Variants in ITGB4 observed in about 807,000 individuals in gnomAD.
ITGB4 encodes the protein integrin subunit beta 4.
In ITGB4, 159 loss-of-function variants were observed where a neutral mutation model predicts 207.6. The ratio of observed to expected loss-of-function variants is 0.77; its 90% confidence interval spans 0.67 to 0.87. The LOEUF is 0.87. Among genes scored for constraint, ITGB4 ranks in the 40% least tolerant of loss-of-function variants. ITGB4 has a pLI of 0.00. For synonymous variants in ITGB4, 1,020 were observed against 1,062.7 expected, an observed-to-expected ratio of 0.96 and a Z score of 0.78; for missense variants, 2,278 against 2,546.8, an observed-to-expected ratio of 0.89 and a Z score of 2.27.
chr17:75,756,009 C>A (rs1462176229), intron 35 of ITGB4, among the ~76,000 whole-genome samples, 159 bp downstream of exon 35: 1 of 152,242 alleles, frequency 6.6e-6, no homozygotes, highest in Non-Finnish European at 1.5e-5. Context: ...CATTCTCCAC[C>A]CCACTTCTTT....
intron 38 of ITGB4, 25 bp from the exon 39 acceptor site, chr17:75,757,175 T>C (rs766519076): frequency 6.2e-7 from 1 of 1,611,996 alleles, no homozygotes; most frequent in Non-Finnish European, 8.5e-7. Flanking sequence ...CACCACCCTC[T>C]GACTGGCCTA....
Position 75,727,729 on chromosome 17 carries a change from G to A in ITGB4, c.343G>A (p.Glu115Lys). 1 of 1,613,876 alleles carries A rather than the reference G, an allele frequency of 6.2e-7. No homozygotes were observed. The highest frequency in any genetic ancestry group is 8.5e-7 in the Non-Finnish European group (1 of 1,180,002). Reference protein sequence around the residue: ...GLRVRLRPGEERHFELEVFEP... With the variant: ...GLRVRLRPGEKRHFELEVFEP... ...GCGGGTCCGTCTGCGGCCCGGTGAG[G>A]AGCGGCATTTTGAGCTGGAGGTGTT... is the stretch of plus-strand genomic sequence containing the variant. Residue 115 changes from glutamate (E) to lysine (K), a missense_variant, in exon 5 of 40, where the codon GAG becomes AAG. By Grantham distance (56) the Glu-to-Lys change is moderately conservative. Coordinates refer to ENST00000200181, the MANE Select transcript of ITGB4 (RefSeq NM_000213.5). This position sits in a 1 kb window ranked among gnomAD's most constrained non-coding sequence, Gnocchi z 6.0.
chr17:75,755,432 G>A (rs2061474648), intron 34 of ITGB4, among the ~76,000 whole-genome samples: 1 of 152,170 alleles, frequency 6.6e-6, no homozygotes, highest in Non-Finnish European at 1.5e-5. Flanking sequence ...GGCAGGAGAG[G>A]GGCCAGGCCA....
rs1599274689 is a variant in ITGB4 at position 75,742,967 on chromosome 17, T to C, written c.2962+206T>C. ...CCTCGCCACAGTGCCTGCCTGGTGGTGAGCGCTCAGTAAATGGAAGCTTCT... is the reference window on the plus strand; with the variant it reads ...CCTCGCCACAGTGCCTGCCTGGTGGCGAGCGCTCAGTAAATGGAAGCTTCT... On this transcript the variant is annotated intron_variant, in intron 25 of 39. Coordinates refer to ENST00000200181, the MANE Select transcript of ITGB4 (RefSeq NM_000213.5). The surrounding 1 kb of genome is among the most constrained non-coding windows in gnomAD (Gnocchi z 5.9). 6.6e-6 allele frequency among the ~76,000 whole-genome samples: 1 copy of C among 152,284 alleles called. No individual in the cohort carries two copies. Among genetic ancestry groups the C allele is most frequent in the South Asian group, 2.1e-4 (1 of 4,824 alleles).
At position 75,742,865 on chromosome 17, in the gene ITGB4, C is replaced by A; in HGVS notation, c.2962+104C>A. 1 of 1,050,552 alleles carries A rather than the reference C, an allele frequency of 9.5e-7. No homozygotes were observed. Among genetic ancestry groups the A allele is most frequent in the Non-Finnish European group, 1.4e-6 (1 of 724,790 alleles). The allele number at this position is 1,050,552 out of a possible 1,614,324, so 65.1% of individuals were successfully genotyped here. A position where few individuals can be genotyped will look rare whatever the true frequency, so the allele number is the denominator to read the frequency against. On this transcript the variant is annotated intron_variant, in intron 25 of 39. Transcript: ENST00000200181. The surrounding 1 kb of genome is among the most constrained non-coding windows in gnomAD (Gnocchi z 5.9). ...ACCTGGCCACGTGGCCTGGGCTAGT[C>A]ACTTAACCTCTGCAAGCCTTGGTTT...
At chr17:75,745,926 C>G (rs553632479) in intron 26 of ITGB4, among the ~76,000 whole-genome samples, 2 of 152,256 alleles carry the variant, frequency 1.3e-5, no homozygotes, top group East Asian at 3.9e-4. Context: ...GTCTCGCCTC[C>G]CTGGGCCCAC....
Position 75,757,617 on chromosome 17 carries a change from C to A in ITGB4, c.*62C>A. 6.2e-7 allele frequency: 1 copy of A among 1,603,724 alleles called. No homozygotes were observed. Among genetic ancestry groups the A allele is most frequent in the Admixed American group, 1.7e-5 (1 of 59,976 alleles). ...CGTCCTCCCGACTCCTCTCCCGGAG[C>A]CTCCTCAGCTACTCCATCCTTGCAC... On this transcript the variant is annotated 3_prime_UTR_variant, in exon 40 of 40. Transcript: ENST00000200181.
At chr17:75,738,409 C>T (rs1378765989) in intron 18 of ITGB4, among the ~76,000 whole-genome samples, 1 of 152,224 alleles carries the variant, frequency 6.6e-6, no homozygotes. Context: ...CCCCCATCAC[C>T]CCATGAGGTC....
rs1006303361 is a variant in ITGB4, at chr17:75,750,537, C to T, written c.3475-143C>T. 1.0e-5 allele frequency: 9 copies of T among 859,206 alleles called. No individual in the cohort carries two copies. Among genetic ancestry groups the T allele is most frequent in the Admixed American group, 2.0e-5 (1 of 49,338 alleles). 53.2% of individuals were successfully genotyped at this position (859,206 alleles called of 1,614,324 possible). On this transcript the variant is annotated intron_variant, in intron 28 of 39. Transcript: ENST00000200181. The surrounding 1 kb of genome is among the most constrained non-coding windows in gnomAD (Gnocchi z 5.5). ...CCCACCTGCTCTGCCCTAGTCCTGACGTGTGCACATGGCAGATCTCTCAGC... is the reference window on the plus strand; with the variant it reads ...CCCACCTGCTCTGCCCTAGTCCTGATGTGTGCACATGGCAGATCTCTCAGC...
Position 75,740,637 on chromosome 17 carries a change from C to T in ITGB4, c.2551-156C>T, listed in dbSNP as rs1445624706. The T allele has an allele frequency of 2.0e-6, 2 of 1,004,712 alleles. No individual in the cohort carries two copies. Among genetic ancestry groups the T allele is most frequent in the Non-Finnish European group, 3.1e-6 (2 of 649,056 alleles). The allele number at this position is 1,004,712 out of a possible 1,614,324, so 62.2% of individuals were successfully genotyped here. The stretch of plus-strand genomic sequence containing the variant: ...GATCTGTTTCCAGAGGGCAGAAGGC[C>T]AGAGCCTGGGCCCAGGATGCTGCCC... On this transcript the variant is annotated intron_variant, in intron 21 of 39. Transcript: ENST00000200181. This position sits in a 1 kb window ranked among gnomAD's most constrained non-coding sequence, Gnocchi z 5.9.
chr17:75,730,738 G>T, intron 8 of ITGB4, 137 bp from the exon 9 acceptor site: 2 of 1,007,772 alleles, frequency 2.0e-6, no homozygotes, highest in Non-Finnish European at 1.5e-6. Context: ...CAAGCAGGTG[G>T]GGGCTAAGAG....
intron 26 of ITGB4, among the ~76,000 whole-genome samples, chr17:75,746,609 T>C (rs1246446080): frequency 2.0e-5 from 3 of 151,450 alleles, no homozygotes; most frequent in Non-Finnish European, 2.9e-5. Flanking sequence ...CATGATCCTT[T>C]TGCCTTGCCT....
chr17:75,726,582 A>G (rs920979227), intron 2 of ITGB4, among the ~76,000 whole-genome samples: 1 of 151,862 alleles, frequency 6.6e-6, no homozygotes, highest in African/African-American at 2.4e-5. Flanking sequence ...AAATACAAAA[A>G]TTAGCCAGGC....
chr17:75,737,374 C>T lies in ITGB4; in HGVS notation c.2043C>T (p.Thr681=), dbSNP rs1286798451. The change falls in exon 17 of 40, where the codon ACC becomes ACT. Residue 681 remains threonine (T), a synonymous_variant. Coordinates refer to ENST00000200181, the MANE Select transcript of ITGB4 (RefSeq NM_000213.5). ...CSFRDEDDDC[T]YSYTMEGDGA... Reference sequence around the variant, plus strand: ...TCCGGGACGAGGATGACGACTGCACCTACAGCTACACCATGGAAGGTGACG... The same window carrying T: ...TCCGGGACGAGGATGACGACTGCACTTACAGCTACACCATGGAAGGTGACG... 3 of 1,582,954 alleles carry T rather than the reference C, an allele frequency of 1.9e-6. No homozygotes were observed. In the East Asian group the frequency reaches 7.0e-5, roughly 37 times the overall value.
In ITGB4 at chr17:75,748,777, T is replaced by A; in HGVS notation, c.3112-64T>A. 3.2e-6 allele frequency: 4 copies of A among 1,250,772 alleles called. No individual in the cohort carries two copies. In the South Asian group the frequency reaches 5.1e-5, roughly 16 times the overall value. 77.5% of individuals were successfully genotyped at this position (1,250,772 alleles called of 1,614,324 possible). On this transcript the variant is annotated intron_variant, in intron 26 of 39. Transcript: ENST00000200181. Reference sequence around the variant, plus strand: ...GTGTCCATGAGGTTGGGAGGGAGCGTGTGGCCATGACTCTTGCCTCAGCCC... The same window carrying A: ...GTGTCCATGAGGTTGGGAGGGAGCGAGTGGCCATGACTCTTGCCTCAGCCC...
intron 23 of ITGB4, 197 bp downstream of exon 23, chr17:75,741,202 G>T: frequency 1.4e-6 from 1 of 698,626 alleles, no homozygotes; most frequent in Non-Finnish European, 2.5e-6. Flanking sequence ...TTGCTATGAA[G>T]TGGCCCCTGG....
chr17:75,754,778 C>A lies in ITGB4; in HGVS notation c.4521C>A (p.Pro1507=), dbSNP rs8669. The A allele has an allele frequency of 1.5e-5, 24 of 1,613,840 alleles. No homozygotes were observed. In the South Asian group the frequency reaches 1.6e-4, roughly 11 times the overall value. Residue 1507 remains proline, a synonymous_variant, in exon 34 of 40, where the codon CCC becomes CCA. Coordinates refer to ENST00000200181, the MANE Select transcript of ITGB4 (RefSeq NM_000213.5). ...AACACTCACACTCGACCACACTGCC[C>A]AGGGACTACTCCACCCTCACCTCCG... is the stretch of plus-strand genomic sequence containing the variant. ...RSEHSHSTTL[P]RDYSTLTSVS...
chr17:75,756,849 C>T lies in ITGB4; in HGVS notation c.5043C>T (p.Ala1681=), dbSNP rs1280669115. The change falls in exon 37 of 40, where the codon GCC becomes GCT. Residue 1681 remains alanine (A), a synonymous_variant. Coordinates refer to ENST00000200181, the MANE Select transcript of ITGB4 (RefSeq NM_000213.5). ...IVGYLVTCEM[A]QGGGPATAFR... Reference sequence around the variant, plus strand: ...GCTACCTGGTGACCTGTGAGATGGCCCAAGGAGGAGGTGCTGCCCACCCCG... The same window carrying T: ...GCTACCTGGTGACCTGTGAGATGGCTCAAGGAGGAGGTGCTGCCCACCCCG... The T allele has an allele frequency of 1.9e-6, 3 of 1,612,204 alleles. No individual in the cohort carries two copies. The highest frequency in any genetic ancestry group is 3.3e-5 in the Admixed American group (2 of 60,002).
rs371393052 is a variant in ITGB4, at chr17:75,757,575, C to T, written c.*20C>T. The T allele has an allele frequency of 1.5e-5, 24 of 1,613,148 alleles. No homozygotes were observed. The highest frequency in any genetic ancestry group is 5.5e-5 in the South Asian group (5 of 91,080). On this transcript the variant is annotated 3_prime_UTR_variant, in exon 40 of 40. Transcript: ENST00000200181. ...ACTTGACCGCACCCTGCCCCACCCC[C>T]GCCACGTCCCACTAGGCGTCCTCCC...
Sources: gnomAD v4.1 joint callset for allele counts (sites outside exome capture counted in the v4.1 genomes callset) on GRCh38, gnomAD v4.1.1 for gene constraint, Gnocchi (gnomAD v3.1) non-coding constraint, MANE v1.5 for transcripts, NCBI Gene and HGNC (gene_info 2026-07-23, HGNC 2026-07-21) for gene names.